Variants in ABHD2 observed in about 807,000 individuals in gnomAD.
The protein encoded by ABHD2 is monoacylglycerol lipase ABHD2.
A neutral mutation model predicts 48.1 loss-of-function variants in ABHD2; 20 were observed. The observed-to-expected ratio is 0.42, with a 90% CI of 0.29 to 0.60. The LOEUF is 0.60. Among genes scored for constraint, ABHD2 ranks in the 20% least tolerant of loss-of-function variants. The pLI, the probability that ABHD2 is intolerant of heterozygous loss-of-function variation, is 0.24. For synonymous variants in ABHD2, 209 were observed against 214.2 expected (o/e 0.98, Z 0.21); for missense variants, 405 against 550.9 (o/e 0.74, Z 2.65).
chr15:89,191,162 C>G lies in ABHD2; in HGVS notation c.996+13C>G. On this transcript the variant is annotated intron_variant, in intron 9 of 10. Transcript: ENST00000352732. The stretch of plus-strand genomic sequence containing the variant: ...GTACCTGCACAGGGTGAGTGGCCAT[C>G]ACGGGCTCAGAATCAGCATCACTCC... 6.2e-7 allele frequency: 1 copy of G among 1,613,602 alleles called. No individual in the cohort carries two copies. The highest frequency in any genetic ancestry group is 8.5e-7 in the Non-Finnish European group (1 of 1,179,736).
chr15:89,074,702 G>A, the ABHD2 span, among the ~76,000 whole-genome samples: 71 of 152,120 alleles, frequency 4.7e-4, no homozygotes, highest in African/African-American at 1.6e-3. Flanking sequence ...GCCTGTATGA[G>A]GTTCACCTGT....
intron 5 of ABHD2, among the ~76,000 whole-genome samples, chr15:89,162,063 AC>A (rs1284418012): frequency 6.6e-6 from 1 of 152,112 alleles, no homozygotes; most frequent in Non-Finnish European, 1.5e-5. Flanking sequence ...ATTAGGGCCC[AC>A]CCTAACAACC....
chr15:89,090,480 C>T (rs1472559566), intron 1 of ABHD2: 1 of 151,884 alleles, frequency 6.6e-6, no homozygotes, highest in Non-Finnish European at 1.5e-5. Flanking sequence ...CCCCCAGTCC[C>T]CTTCCCCCCA....
At chr15:89,077,912 C>T in the ABHD2 span, among the ~76,000 whole-genome samples, 1 of 152,180 alleles carries the variant, frequency 6.6e-6, no homozygotes, top group Non-Finnish European at 1.5e-5. Flanking sequence ...ACTATGACTC[C>T]AAATCCCCTT....
In ABHD2 at chr15:89,146,226, C is replaced by A. The variant is rs537950251; in HGVS notation, c.195-5451C>A. On this transcript the variant is annotated intron_variant, in intron 3 of 10. Transcript: ENST00000352732. The surrounding 1 kb of genome is among the most constrained non-coding windows in gnomAD (Gnocchi z 4.2). ...GATTTACAGCCAAGGAACTTAGGTACCATAAGGAAGAACTGGTCACCCACT... is the reference window on the plus strand; with the variant it reads ...GATTTACAGCCAAGGAACTTAGGTAACATAAGGAAGAACTGGTCACCCACT... Among the ~76,000 whole-genome samples, 5 of 152,254 alleles carry A rather than the reference C, an allele frequency of 3.3e-5. 1 individual carries two copies. Among genetic ancestry groups the A allele is most frequent in the African/African-American group, 1.2e-4 (5 of 41,540 alleles).
At chr15:89,187,147 C>G (rs1378542890) in intron 7 of ABHD2, among the ~76,000 whole-genome samples, 1 of 152,228 alleles carries the variant, frequency 6.6e-6, no homozygotes, top group South Asian at 2.1e-4. Context: ...AGTCCTCTGT[C>G]TGCGTTTCCA....
At chr15:89,107,626 C>T (rs1015616270) in intron 1 of ABHD2, among the ~76,000 whole-genome samples, 1 of 152,130 alleles carries the variant, frequency 6.6e-6, no homozygotes, top group Non-Finnish European at 1.5e-5. Context: ...GTTCAGTTTA[C>T]AGATGGTGTT....
chr15:89,084,581 G>A (rs1279946258), upstream of ABHD2, among the ~76,000 whole-genome samples: 2 of 152,180 alleles, frequency 1.3e-5, no homozygotes, highest in Non-Finnish European at 2.9e-5. The surrounding 1 kb of genome is among the most constrained non-coding windows in gnomAD (Gnocchi z 4.4). Flanking sequence ...TTACAGGCAT[G>A]AGCCACGGCG....
intron 3 of ABHD2, chr15:89,135,701 T>C: frequency 2.1e-6 from 3 of 1,422,310 alleles, no homozygotes; most frequent in Non-Finnish European, 2.9e-6. Flanking sequence ...AGCAATATCC[T>C]TTTCTTACTT....
chr15:89,165,902 T>C (rs1250921307), intron 5 of ABHD2, among the ~76,000 whole-genome samples: 7 of 152,218 alleles, frequency 4.6e-5, no homozygotes, highest in Admixed American at 2.6e-4. Context: ...CTGTCTCTCT[T>C]TGGCCGAGTG....
intron 5 of ABHD2, among the ~76,000 whole-genome samples, chr15:89,160,985 C>A (rs935255776): frequency 6.6e-6 from 1 of 152,144 alleles, no homozygotes; most frequent in Non-Finnish European, 1.5e-5. Context: ...ATAATACTTA[C>A]TTTTCTCATC....
At chr15:89,052,538 G>GGCAGAC in the ABHD2 span, among the ~76,000 whole-genome samples, 2 of 128,970 alleles carry the variant, frequency 1.6e-5, no homozygotes, top group African/African-American at 6.8e-5. Context: ...CAGACAGACA[G>GGCAGAC]ACAGACAGAC....
At chr15:89,145,779 G>T (rs1371237951) in intron 3 of ABHD2, among the ~76,000 whole-genome samples, 1 of 152,194 alleles carries the variant, frequency 6.6e-6, no homozygotes, top group Non-Finnish European at 1.5e-5. Flanking sequence ...TTTGAGTAGG[G>T]TGGGGGGACA....
chr15:89,047,060 T>C, the ABHD2 span, among the ~76,000 whole-genome samples: 37,670 of 150,354 alleles, frequency 0.25, 4,655 homozygotes, highest in African/African-American at 0.3. Flanking sequence ...CTCTACACAC[T>C]GCTTTGAATG....
At chr15:89,190,533 T>A (rs2051286445) in intron 8 of ABHD2, among the ~76,000 whole-genome samples, 1 of 152,200 alleles carries the variant, frequency 6.6e-6, no homozygotes, top group South Asian at 2.1e-4. Flanking sequence ...AAAGGAAAGT[T>A]CCAGTAAATG....
Position 89,104,729 on chromosome 15 carries a change from C to G in ABHD2, c.-106-8996C>G, listed in dbSNP as rs1362040552. Among the ~76,000 whole-genome samples the G allele has an allele frequency of 1.3e-5, 2 of 152,226 alleles. No individual in the cohort carries two copies. The highest frequency in any genetic ancestry group is 2.9e-5 in the Non-Finnish European group (2 of 68,050). The stretch of plus-strand genomic sequence containing the variant: ...CTTCAGGCAACGGTTGTGCCAGGCA[C>G]TGGGTCTTGCCCTCCCACCCCCATC... On this transcript the variant is annotated intron_variant, in intron 1 of 10. Coordinates refer to ENST00000352732, the MANE Select transcript of ABHD2 (RefSeq NM_152924.5). The surrounding 1 kb of genome is among the most constrained non-coding windows in gnomAD (Gnocchi z 4.4).
Position 89,102,507 on chromosome 15 carries a change from C to T in ABHD2, c.-106-11218C>T, listed in dbSNP as rs933356268. On this transcript the variant is annotated intron_variant, in intron 1 of 10. Coordinates refer to ENST00000352732, the MANE Select transcript of ABHD2 (RefSeq NM_152924.5). The surrounding 1 kb of genome is among the most constrained non-coding windows in gnomAD (Gnocchi z 4.8). Reference sequence around the variant, plus strand: ...ACTGATGCCTTTTCGCAGGTTCTGTCCTCTTCATTTGCAAGCCACTGCTTT... The same window carrying T: ...ACTGATGCCTTTTCGCAGGTTCTGTTCTCTTCATTTGCAAGCCACTGCTTT... The T allele has an allele frequency of 2.0e-5, 3 of 152,246 alleles. No homozygotes were observed. The highest frequency in any genetic ancestry group is 7.2e-5 in the African/African-American group (3 of 41,454). 9.4% of individuals were successfully genotyped at this position (152,246 alleles called of 1,614,324 possible). A position where few individuals can be genotyped will look rare whatever the true frequency, so the allele number is the denominator to read the frequency against.
the ABHD2 span, among the ~76,000 whole-genome samples, chr15:89,045,930 T>G: frequency 1.3e-5 from 2 of 152,358 alleles, no homozygotes; most frequent in African/African-American, 4.8e-5. Flanking sequence ...CTTCCAACAC[T>G]ATGTTGAATA....
intron 3 of ABHD2, among the ~76,000 whole-genome samples, chr15:89,117,680 C>A (rs2049983004): frequency 6.6e-6 from 1 of 152,166 alleles, no homozygotes; most frequent in South Asian, 2.1e-4. Flanking sequence ...GTTGCTAAGA[C>A]CCAGTGGTGG....
Sources: gnomAD v4.1 joint callset for allele counts (sites outside exome capture counted in the v4.1 genomes callset) on GRCh38, gnomAD v4.1.1 for gene constraint, Gnocchi (gnomAD v3.1) non-coding constraint, MANE v1.5 for transcripts, NCBI Gene and HGNC (gene_info 2026-07-23, HGNC 2026-07-21) for gene names.